TRDN: variants seen among roughly 807,000 people sequenced by gnomAD.
TRDN encodes triadin in skeletal muscle.
A neutral mutation model predicts 149.7 loss-of-function variants in TRDN; 161 were observed. The ratio of observed to expected loss-of-function variants is 1.08; its 90% CI spans 0.95 to 1.23. The LOEUF is 1.23. Among genes scored for constraint, TRDN ranks in the 50% most tolerant of loss-of-function variants. The pLI is 0.00. For missense variants in TRDN, 896 were observed against 823.5 expected (o/e 1.09, Z -1.08); for synonymous variants, 294 against 250.5 (o/e 1.17, Z -1.64).
chr6:123,308,944 A>T (rs1778713624), intron 24 of TRDN, among the ~76,000 whole-genome samples: 1 of 152,046 alleles, frequency 6.6e-6, no homozygotes. Context: ...AACATTAGTC[A>T]TGGCTCTAAA....
At chr6:123,606,879 T>C (rs945883310) in intron 1 of TRDN, among the ~76,000 whole-genome samples, 1 of 152,210 alleles carries the variant, frequency 6.6e-6, no homozygotes, top group African/African-American at 2.4e-5. Flanking sequence ...ATCTTTATAC[T>C]ATATACAATC....
chr6:123,451,451 C>A, intron 10 of TRDN, among the ~76,000 whole-genome samples: 1 of 151,948 alleles, frequency 6.6e-6, no homozygotes, highest in East Asian at 1.9e-4. Context: ...TAAAAAAGAT[C>A]ACTCAAGGCT....
At chr6:123,597,812 A>G (rs180682247) in intron 1 of TRDN, among the ~76,000 whole-genome samples, 163 of 152,242 alleles carry the variant, frequency 1.1e-3, no homozygotes, top group African/African-American at 3.5e-3. Flanking sequence ...TATATACATA[A>G]TAGACTACTC....
intron 24 of TRDN, among the ~76,000 whole-genome samples, chr6:123,314,938 C>T (rs1778970515): frequency 6.6e-6 from 1 of 151,900 alleles, no homozygotes; most frequent in South Asian, 2.1e-4. Flanking sequence ...ACAACAAACC[C>T]CATGACACAT....
At chr6:123,559,693 A>T (rs1459215901) in intron 2 of TRDN, among the ~76,000 whole-genome samples, 1 of 152,354 alleles carries the variant, frequency 6.6e-6, no homozygotes, top group East Asian at 1.9e-4. Context: ...TTTAAAGCCT[A>T]TAAACTCTCC....
chr6:123,392,513 C>T (rs1001744695), intron 13 of TRDN, among the ~76,000 whole-genome samples: 9 of 151,974 alleles, frequency 5.9e-5, no homozygotes, highest in African/African-American at 1.2e-4. Flanking sequence ...GCTTGAGGAA[C>T]TCACCCTGAC....
At chr6:123,364,361 G>A (rs928619352) in intron 20 of TRDN, among the ~76,000 whole-genome samples, 12 of 152,082 alleles carry the variant, frequency 7.9e-5, no homozygotes, top group Middle Eastern at 3.2e-3. Flanking sequence ...AATTCCAGTC[G>A]GGCGTGGTGG....
At chr6:123,434,141 C>A (rs1774455350) in intron 12 of TRDN, 1 of 152,118 alleles carries the variant, frequency 6.6e-6, no homozygotes, top group Non-Finnish European at 1.5e-5. Flanking sequence ...AGATAGGTTT[C>A]ATCACTATAA....
intron 21 of TRDN, chr6:123,351,604 C>T: frequency 7.2e-6 from 7 of 968,736 alleles, no homozygotes; most frequent in Non-Finnish European, 8.6e-6. Flanking sequence ...TTTTACTTAA[C>T]TGAATTCTTA....
chr6:123,592,147 G>A (rs1012181215), intron 1 of TRDN, among the ~76,000 whole-genome samples: 4 of 152,264 alleles, frequency 2.6e-5, no homozygotes, highest in South Asian at 4.1e-4. Flanking sequence ...AGGAAGAAAT[G>A]CCACTCATTG....
At chr6:123,483,444 C>G (rs1382317372) in intron 9 of TRDN, among the ~76,000 whole-genome samples, 1 of 152,036 alleles carries the variant, frequency 6.6e-6, no homozygotes, top group Admixed American at 6.6e-5. Context: ...TTTATTACCA[C>G]TTCCTCCCCT....
In TRDN at chr6:123,388,013, A is replaced by G. The variant is rs563465284; in HGVS notation, c.1135+509T>C. On this transcript the variant is annotated intron_variant, in intron 14 of 40. Coordinates refer to ENST00000334268, the MANE Select transcript of TRDN (RefSeq NM_006073.4). Reference sequence around the variant, plus strand: ...ATCCCAAGCTCCTCCAATATTGCATATTGATTATGGACAATGTTTCAAAAG... The same window carrying G: ...ATCCCAAGCTCCTCCAATATTGCATGTTGATTATGGACAATGTTTCAAAAG... Among the ~76,000 whole-genome samples the G allele has an allele frequency of 7.9e-5, 12 of 152,150 alleles. No individual in the cohort carries two copies. In the East Asian group the frequency reaches 2.1e-3, roughly 27 times the overall value.
At chr6:123,587,864 A>G (rs899805271) in intron 1 of TRDN, among the ~76,000 whole-genome samples, 3 of 152,062 alleles carry the variant, frequency 2.0e-5, no homozygotes, top group African/African-American at 4.8e-5. Flanking sequence ...TCACAAGACA[A>G]TGTCATCAGT....
At chr6:123,557,833 A>C (rs1781761198) in intron 2 of TRDN, among the ~76,000 whole-genome samples, 3 of 140,746 alleles carry the variant, frequency 2.1e-5, no homozygotes, top group Admixed American at 7.2e-5. Context: ...CCATGTCTCT[A>C]CCCTCTCTTT....
At chr6:123,565,257 G>C (rs760609789) in intron 2 of TRDN, among the ~76,000 whole-genome samples, 1 of 152,092 alleles carries the variant, frequency 6.6e-6, no homozygotes, top group African/African-American at 2.4e-5. Context: ...GAAGATCTCC[G>C]GCAGCCTTTC....
chr6:123,567,024 G>A lies in TRDN; in HGVS notation c.232+3899C>T, dbSNP rs527484475. Among the ~76,000 whole-genome samples, 340 of 152,290 alleles carry A rather than the reference G, an allele frequency of 2.2e-3. 3 individuals carry two copies. The highest frequency in any genetic ancestry group is 3.3e-3 in the Non-Finnish European group (227 of 68,032). On this transcript the variant is annotated intron_variant, in intron 2 of 40. Coordinates refer to ENST00000334268, the MANE Select transcript of TRDN (RefSeq NM_006073.4). ...AGGCATACTTATAGTTCACAGTAGA[G>A]CTTCCATTGGAGAGCTGCAATTAAT... is the stretch of plus-strand genomic sequence containing the variant.
At chr6:123,318,616 C>T (rs1427735520) in intron 23 of TRDN, among the ~76,000 whole-genome samples, 2 of 152,030 alleles carry the variant, frequency 1.3e-5, no homozygotes, top group African/African-American at 2.4e-5. Context: ...ATCTTTTCTT[C>T]CTAGGACACA....
At chr6:123,563,871 A>T (rs2114509760) in intron 2 of TRDN, among the ~76,000 whole-genome samples, 1 of 152,236 alleles carries the variant, frequency 6.6e-6, no homozygotes, top group East Asian at 1.9e-4. Flanking sequence ...GCAGTGGCGC[A>T]AGCTCAACTC....
chr6:123,344,733 T>C (rs1780192302), intron 21 of TRDN, among the ~76,000 whole-genome samples: 1 of 152,180 alleles, frequency 6.6e-6, no homozygotes, highest in African/African-American at 2.4e-5. Flanking sequence ...AAAGCTGATA[T>C]AAACATTTGT....
Sources: gnomAD v4.1 joint callset for allele counts (sites outside exome capture counted in the v4.1 genomes callset) on GRCh38, gnomAD v4.1.1 for gene constraint, MANE v1.5 for transcripts, NCBI Gene and HGNC (gene_info 2026-07-23, HGNC 2026-07-21) for gene names.